LAPTM4B: variants seen among roughly 807,000 people sequenced by gnomAD.
The protein encoded by LAPTM4B is lysosomal protein transmembrane 4 beta.
In LAPTM4B, 26 loss-of-function variants were observed where a neutral mutation model predicts 28.5. The observed-to-expected ratio is 0.91, with a 90% CI of 0.67 to 1.27. The LOEUF (loss-of-function observed/expected upper bound fraction) is 1.27. Among genes scored for constraint, LAPTM4B ranks in the 50% most tolerant of loss-of-function variants. The probability of loss-of-function intolerance (pLI) is 0.00; values close to 1 mark genes in which losing one functional copy is unlikely to be tolerated. For synonymous variants in LAPTM4B, 109 were observed against 106.4 expected, an observed-to-expected ratio of 1.02 and a Z score of -0.15; for missense variants, 288 against 285.8, an observed-to-expected ratio of 1.01 and a Z score of -0.06.
chr8:97,795,837 T>TAAA (rs1190473113), intron 1 of LAPTM4B, among the ~76,000 whole-genome samples: 19 of 114,126 alleles, frequency 1.7e-4, no homozygotes, highest in East Asian at 5.9e-4. Flanking sequence ...ACTCTGTCTT[T>TAAA]AAAAAAAAAA....
At chr8:97,825,790 G>A (rs1817082461) in intron 6 of LAPTM4B, among the ~76,000 whole-genome samples, 1 of 152,188 alleles carries the variant, frequency 6.6e-6, no homozygotes. Flanking sequence ...GAAGGTATAA[G>A]TCCTCATGGT....
rs1563626854 is a variant in LAPTM4B, at chr8:97,852,366, CT to C, written c.*893del. The stretch of plus-strand genomic sequence containing the variant: ...AAAAGGGTTTTCTTTTCCCTGCAAG[CT>C]ACATCCTACTGCTTTGAACTTCCAA... On this transcript the variant is annotated 3_prime_UTR_variant, in exon 7 of 7. Transcript: ENST00000521545. 1 of 152,214 alleles carries C rather than the reference CT, an allele frequency of 6.6e-6. No individual in the cohort carries two copies. Among genetic ancestry groups the C allele is most frequent in the African/African-American group, 2.4e-5 (1 of 41,452 alleles). 9.4% of individuals were successfully genotyped at this position (152,214 alleles called of 1,614,324 possible).
At chr8:97,811,621 T>C (rs4735499) in intron 2 of LAPTM4B, among the ~76,000 whole-genome samples, 68,144 of 151,464 alleles carry the variant, frequency 0.45, 15,735 homozygotes, top group East Asian at 0.57. Context: ...AGGCTCATCT[T>C]GCTCTGGCAT....
chr8:97,815,303 G>A (rs7818775), intron 2 of LAPTM4B, 25 bp from the exon 3 acceptor site: 761,794 of 1,601,216 alleles, frequency 0.48, 182,973 homozygotes, highest in East Asian at 0.56. Context: ...CTTTTTTAAA[G>A]AAATTCTTTT....
rs1157074007 is a variant in LAPTM4B at position 97,852,491 on chromosome 8, A to G, written c.*1017A>G. On this transcript the variant is annotated 3_prime_UTR_variant, in exon 7 of 7. Transcript: ENST00000521545. ...ACCTTGACTACCTGAATTGCAAGGGATTTTTATATATTCATATGTTACAAA... is the reference window on the plus strand; with the variant it reads ...ACCTTGACTACCTGAATTGCAAGGGGTTTTTATATATTCATATGTTACAAA... 6.6e-6 allele frequency: 1 copy of G among 151,878 alleles called. No individual in the cohort carries two copies. The highest frequency in any genetic ancestry group is 1.5e-5 in the Non-Finnish European group (1 of 67,994). 9.4% of individuals were successfully genotyped at this position (151,878 alleles called of 1,614,324 possible). A position where few individuals can be genotyped will look rare whatever the true frequency, so the allele number is the denominator to read the frequency against.
intron 6 of LAPTM4B, among the ~76,000 whole-genome samples, chr8:97,827,910 TG>T (rs1363927664): frequency 6.6e-6 from 1 of 152,132 alleles, no homozygotes; most frequent in East Asian, 1.9e-4. Flanking sequence ...GTCACAAGGT[TG>T]ATCGATCAGT....
At chr8:97,822,594 A>T (rs1028184805) in intron 5 of LAPTM4B, among the ~76,000 whole-genome samples, 11 of 151,402 alleles carry the variant, frequency 7.3e-5, no homozygotes, top group Non-Finnish European at 1.3e-4. Flanking sequence ...GTTCATCATT[A>T]CTAGTCATAT....
chr8:97,798,694 CTG>C (rs1013203450), intron 1 of LAPTM4B, among the ~76,000 whole-genome samples: 10 of 152,134 alleles, frequency 6.6e-5, no homozygotes, highest in African/African-American at 2.2e-4. Context: ...AGCCAGGACT[CTG>C]TTGTCAGATA....
At chr8:97,822,630 G>T (rs1248152860) in intron 5 of LAPTM4B, among the ~76,000 whole-genome samples, 1 of 151,058 alleles carries the variant, frequency 6.6e-6, no homozygotes, top group African/African-American at 2.4e-5. Flanking sequence ...AACCATAGCA[G>T]AATAAAATAT....
rs117744478 is a variant in LAPTM4B at position 97,848,363 on chromosome 8, T to C, written c.604-3034T>C. Among the ~76,000 whole-genome samples the C allele has an allele frequency of 5.6e-4, 85 of 152,198 alleles. No individual in the cohort carries two copies. The East Asian group carries it at 0.014, about 26-fold the overall frequency. On this transcript the variant is annotated intron_variant, in intron 6 of 6. Coordinates refer to ENST00000521545, the MANE Select transcript of LAPTM4B (RefSeq NM_018407.6). ...AATAGTGACAGACCGCCAAATGTAA[T>C]GTGAAAGTTTTATTTTGACAAAAGG...
intron 4 of LAPTM4B, 66 bp from the exon 5 acceptor site, chr8:97,819,074 G>T: frequency 1.1e-6 from 1 of 934,750 alleles, no homozygotes; most frequent in Non-Finnish European, 1.7e-6. Flanking sequence ...TGTCTGAATT[G>T]GTGCCCAAGG....
rs546425169 is a variant in LAPTM4B, at chr8:97,800,484, C to CTTTTTTTTTTTTTTTTTTTTTTTTTTT, written c.100-4868_100-4842dup. On this transcript the variant is annotated intron_variant, in intron 1 of 6. Transcript: ENST00000521545. ...CTTCTGTAATATTACCCCTTGACCT[C>CTTTTTTTTTTTTTTTTTTTTTTTTTTT]TTTTTTTTTTTTTTTTTTTTTTTTT... is the stretch of plus-strand genomic sequence containing the variant. Among the ~76,000 whole-genome samples, 7 of 69,326 alleles carry CTTTTTTTTTTTTTTTTTTTTTTTTTTT rather than the reference C, an allele frequency of 1.0e-4. 2 individuals are homozygous for CTTTTTTTTTTTTTTTTTTTTTTTTTTT. Among genetic ancestry groups the CTTTTTTTTTTTTTTTTTTTTTTTTTTT allele is most frequent in the African/African-American group, 5.2e-4 (7 of 13,392 alleles). 45.5% of individuals were successfully genotyped at this position (69,326 alleles called of 152,430 possible).
At chr8:97,780,885 T>A (rs145977427) in intron 1 of LAPTM4B, among the ~76,000 whole-genome samples, 1 of 152,270 alleles carries the variant, frequency 6.6e-6, no homozygotes, top group African/African-American at 2.4e-5. Flanking sequence ...TTACTATTTT[T>A]AAAATTCTGG....
chr8:97,848,131 G>A (rs759604051), intron 6 of LAPTM4B, among the ~76,000 whole-genome samples: 1 of 151,908 alleles, frequency 6.6e-6, no homozygotes, highest in African/African-American at 2.4e-5. Context: ...GTGTAGTGGC[G>A]CATGTCTGTA....
intron 6 of LAPTM4B, among the ~76,000 whole-genome samples, chr8:97,839,148 C>T (rs1182980230): frequency 3.9e-5 from 6 of 152,088 alleles, no homozygotes; most frequent in African/African-American, 1.4e-4. Context: ...TAACTCGGCT[C>T]CTATTTCTTT....
intron 1 of LAPTM4B, chr8:97,788,390 A>G (rs1047270414): frequency 4.9e-5 from 14 of 284,724 alleles, no homozygotes; most frequent in Non-Finnish European, 9.3e-5. Context: ...ACACACCACG[A>G]TGGTGGAGAA....
At chr8:97,789,643 G>A (rs1816468162) in intron 1 of LAPTM4B, among the ~76,000 whole-genome samples, 1 of 150,284 alleles carries the variant, frequency 6.7e-6, no homozygotes, top group South Asian at 2.1e-4. Flanking sequence ...TTCTTCTCCC[G>A]AGTAGCTGGG....
rs375472824 is a variant in LAPTM4B, at chr8:97,795,588, C to G, written c.100-9765C>G. Among the ~76,000 whole-genome samples, 18 of 152,186 alleles carry G rather than the reference C, an allele frequency of 1.2e-4. No individual in the cohort carries two copies. In the East Asian group the frequency reaches 2.5e-3, roughly 21 times the overall value. On this transcript the variant is annotated intron_variant, in intron 1 of 6. Coordinates refer to ENST00000521545, the MANE Select transcript of LAPTM4B (RefSeq NM_018407.6). Reference sequence around the variant, plus strand: ...CTAACACTGGCTGGGCGTGGTGGCTCACACCTGTAATCCCAGCATCTTGGG... The same window carrying G: ...CTAACACTGGCTGGGCGTGGTGGCTGACACCTGTAATCCCAGCATCTTGGG...
intron 1 of LAPTM4B, among the ~76,000 whole-genome samples, chr8:97,789,816 C>G (rs542588836): frequency 6.6e-6 from 1 of 152,086 alleles, no homozygotes; most frequent in Non-Finnish European, 1.5e-5. Flanking sequence ...CCACCTTGCC[C>G]GGCCCTCTTT....
Sources: allele counts gnomAD v4.1 joint callset (sites outside exome capture counted in the v4.1 genomes callset), GRCh38; gene constraint gnomAD v4.1.1; transcripts MANE v1.5; gene names NCBI Gene and HGNC (gene_info 2026-07-23, HGNC 2026-07-21).